The following WLS variants were observed in gnomAD, a reference collection of about 807,000 sequenced individuals.
WLS encodes the protein protein wntless homolog.
Under a neutral mutation model 62.8 loss-of-function variants are expected in WLS, and 23 were observed. That is an observed-to-expected ratio of 0.37 (90% CI 0.26 to 0.52). WLS has a LOEUF of 0.52. WLS is among the 20% of genes least tolerant of loss of function. WLS has a pLI of 0.92. For synonymous variants in WLS, 246 were observed against 244.1 expected, an observed-to-expected ratio of 1.01 and a Z score of -0.07; for missense variants, 615 against 697.3, an observed-to-expected ratio of 0.88 and a Z score of 1.33.
intron 1 of WLS, among the ~76,000 whole-genome samples, chr1:68,204,570 G>A (rs1483597919): frequency 6.6e-6 from 1 of 152,142 alleles, no homozygotes; most frequent in Non-Finnish European, 1.5e-5. Flanking sequence ...GCCTCCCAAA[G>A]TGCTGGGATT....
chr1:68,191,806 G>T (rs191999039), intron 2 of WLS, among the ~76,000 whole-genome samples: 1 of 152,092 alleles, frequency 6.6e-6, no homozygotes, highest in Admixed American at 6.6e-5. Flanking sequence ...CTTCTATATA[G>T]AATGCTCTTT....
intron 1 of WLS, among the ~76,000 whole-genome samples, chr1:68,195,916 C>T (rs1317124747): frequency 1.3e-5 from 2 of 151,900 alleles, no homozygotes; most frequent in African/African-American, 4.8e-5. Flanking sequence ...GTTGATTGAA[C>T]AGACCCTCCC....
At position 68,187,189 on chromosome 1, in the gene WLS, C is replaced by CAAAAAA. The variant is rs34130992; in HGVS notation, c.379+6760_379+6765dup. ...GGGGGACAGAGCAAGACTCCATCTC[C>CAAAAAA]AAAAAAAAAAAAAAAAAAAAAATTA... On this transcript the variant is annotated intron_variant, in intron 2 of 11. Transcript: ENST00000262348. Among the ~76,000 whole-genome samples, 61 of 57,150 alleles carry CAAAAAA rather than the reference C, an allele frequency of 1.1e-3. 2 individuals are homozygous for CAAAAAA. Among genetic ancestry groups the CAAAAAA allele is most frequent in the East Asian group, 3.6e-3 (7 of 1,928 alleles). 37.5% of individuals were successfully genotyped at this position (57,150 alleles called of 152,430 possible). A position where few individuals can be genotyped will look rare whatever the true frequency, so the allele number is the denominator to read the frequency against.
rs569847388 is a variant in WLS at position 68,128,661 on chromosome 1, T to C, written c.1517-2326A>G. ...TATGCATATGATCCTACAGATCACT[T>C]GAAAAAACAGCCAAAATTGCCTTGG... On this transcript the variant is annotated intron_variant, in intron 11 of 11. Coordinates refer to ENST00000262348, the MANE Select transcript of WLS (RefSeq NM_024911.7). Among the ~76,000 whole-genome samples, 180 of 152,358 alleles carry C rather than the reference T, an allele frequency of 1.2e-3. 1 individual carries two copies. Among genetic ancestry groups the C allele is most frequent in the African/African-American group, 4.1e-3 (172 of 41,594 alleles).
At chr1:68,115,774 CTTCTT>C (rs1646284238) in intron 11 of WLS, among the ~76,000 whole-genome samples, 1 of 62,350 alleles carries the variant, frequency 1.6e-5, no homozygotes, top group African/African-American at 3.3e-5. Flanking sequence ...ATGTTTTTCT[CTTCTT>C]ATAAAGTTAA....
At chr1:68,180,207 A>T (rs1434116090) in intron 2 of WLS, among the ~76,000 whole-genome samples, 1 of 151,834 alleles carries the variant, frequency 6.6e-6, no homozygotes, top group Non-Finnish European at 1.5e-5. Context: ...CAGGCTGCTC[A>T]CTACTGGTAG....
At chr1:68,108,984 G>C (rs1165308484) in intron 11 of WLS, among the ~76,000 whole-genome samples, 1 of 152,180 alleles carries the variant, frequency 6.6e-6, no homozygotes, top group Admixed American at 6.5e-5. Flanking sequence ...ATTATGAAAT[G>C]CTTAGTGCTA....
At chr1:68,231,841 G>T (rs1368968633) in intron 1 of WLS, 2 of 423,320 alleles carry the variant, frequency 4.7e-6, no homozygotes, top group African/African-American at 2.5e-5. Context: ...GAAAAGGGGG[G>T]GAACGCGGGA....
chr1:68,162,188 G>T, intron 2 of WLS: 2 of 1,431,472 alleles, frequency 1.4e-6, no homozygotes, highest in Non-Finnish European at 2.0e-6. Flanking sequence ...AAGCTAAAGG[G>T]CTCCGACTCA....
chr1:68,196,296 C>T (rs1204120986), intron 1 of WLS, among the ~76,000 whole-genome samples: 1 of 151,796 alleles, frequency 6.6e-6, no homozygotes, highest in Non-Finnish European at 1.5e-5. Flanking sequence ...TCATTGTTTT[C>T]TTTATGTGGG....
intron 2 of WLS, among the ~76,000 whole-genome samples, chr1:68,182,752 T>C (rs1372889112): frequency 6.6e-6 from 1 of 152,214 alleles, no homozygotes; most frequent in Admixed American, 6.5e-5. Context: ...TTGCCTTTTT[T>C]GGTGGGAGAG....
chr1:68,212,004 A>G (rs1162752219), intron 1 of WLS, among the ~76,000 whole-genome samples: 1 of 152,202 alleles, frequency 6.6e-6, no homozygotes, highest in Non-Finnish European at 1.5e-5. Context: ...TCTGATTACA[A>G]AGGAGGCATG....
intron 2 of WLS, among the ~76,000 whole-genome samples, chr1:68,170,717 C>T (rs1368779905): frequency 6.6e-6 from 1 of 151,930 alleles, no homozygotes; most frequent in Admixed American, 6.6e-5. Flanking sequence ...GGCACCCCCC[C>T]CTTGCTCCCA....
chr1:68,133,054 GCAACAGCAA>G (rs888888252), intron 11 of WLS, among the ~76,000 whole-genome samples: 4 of 53,250 alleles, frequency 7.5e-5, no homozygotes, highest in Non-Finnish European at 8.8e-5. Context: ...GGCAGCAGCA[GCAACAGCAA>G]CAGCAGCAGC....
intron 1 of WLS, among the ~76,000 whole-genome samples, chr1:68,217,901 C>T (rs1364800801): frequency 6.6e-6 from 1 of 152,156 alleles, no homozygotes; most frequent in Non-Finnish European, 1.5e-5. Context: ...CTTTGGAGGG[C>T]TTCAGTCCCA....
chr1:68,210,991 T>C (rs544696692), intron 1 of WLS, among the ~76,000 whole-genome samples: 1 of 152,296 alleles, frequency 6.6e-6, no homozygotes, highest in Non-Finnish European at 1.5e-5. Context: ...TCTTGGAATG[T>C]ACCGCCACCT....
At chr1:68,204,089 T>C (rs896861507) in intron 1 of WLS, among the ~76,000 whole-genome samples, 4 of 152,198 alleles carry the variant, frequency 2.6e-5, no homozygotes, top group African/African-American at 9.6e-5. Flanking sequence ...TTCTGAATGG[T>C]CAAAAATTTA....
chr1:68,134,706 G>A (rs1420446371), intron 11 of WLS, among the ~76,000 whole-genome samples: 1 of 152,188 alleles, frequency 6.6e-6, no homozygotes, highest in Non-Finnish European at 1.5e-5. Context: ...ACTTAGCAGA[G>A]GATTCAGGGG....
chr1:68,148,135 C>T lies in WLS; in HGVS notation c.1134+1G>A, dbSNP rs777203536. 1.8e-5 allele frequency: 29 copies of T among 1,613,938 alleles called. No homozygotes were observed. The highest frequency in any genetic ancestry group is 8.3e-5 in the Admixed American group (5 of 59,996). ...ACCCTGAGCCCATCAAGGAAGGATA[C>T]GGCCAGCTCTGTTCCAATGTCTGTA... On this transcript the variant is annotated splice_donor_variant, in intron 8 of 11. Transcript: ENST00000262348. LOFTEE classifies it high-confidence loss of function.
Sources: allele counts gnomAD v4.1 joint callset (sites outside exome capture counted in the v4.1 genomes callset), GRCh38; gene constraint gnomAD v4.1.1; transcripts MANE v1.5; gene names NCBI Gene and HGNC (gene_info 2026-07-23, HGNC 2026-07-21).